Variants in TTC28 observed in about 807,000 individuals in gnomAD.
TTC28 encodes tetratricopeptide repeat protein 28.
TTC28 carries 61 observed loss-of-function variants against 198.0 expected under a neutral mutation model. That is an observed-to-expected ratio of 0.31 (90% confidence interval 0.25 to 0.38). The LOEUF is 0.38. Ranked by LOEUF, TTC28 falls within the 10% of genes least tolerant of loss-of-function variation. The pLI is 1.00. For synonymous variants in TTC28, 1,171 were observed against 1,297.8 expected, an observed-to-expected ratio of 0.90 and a Z score of 2.10; for missense variants, 2,678 against 3,164.0, an observed-to-expected ratio of 0.85 and a Z score of 3.69.
intron 2 of TTC28, among the ~76,000 whole-genome samples, chr22:28,595,751 C>G (rs1467024051): frequency 2.0e-5 from 3 of 152,148 alleles, no homozygotes; most frequent in African/African-American, 7.2e-5. Context: ...TGGTGAAACC[C>G]CATCTCTACT....
intron 10 of TTC28, among the ~76,000 whole-genome samples, chr22:28,097,480 C>T (rs1016813786): frequency 2.6e-5 from 4 of 152,184 alleles, no homozygotes; most frequent in Non-Finnish European, 4.4e-5. Flanking sequence ...CTATCTCAAG[C>T]TTTTCCCATC....
At chr22:28,214,661 G>C (rs1156512563) in intron 5 of TTC28, among the ~76,000 whole-genome samples, 1 of 152,190 alleles carries the variant, frequency 6.6e-6, no homozygotes, top group Non-Finnish European at 1.5e-5. Flanking sequence ...TGGAGAAATA[G>C]GAACACTTTT....
At chr22:28,585,323 G>T (rs542390624) in intron 2 of TTC28, among the ~76,000 whole-genome samples, 3 of 152,108 alleles carry the variant, frequency 2.0e-5, no homozygotes, top group African/African-American at 4.8e-5. Flanking sequence ...GCAGCTAGAC[G>T]GTCCCATCTG....
In TTC28 at chr22:27,982,299, C is replaced by T. The variant is rs757345038; in HGVS notation, c.7368G>A (p.Ala2456=). The T allele has an allele frequency of 2.4e-5, 37 of 1,515,872 alleles. 1 individual carries two copies. The highest frequency in any genetic ancestry group is 4.2e-5 in the African/African-American group (3 of 71,628). 93.9% of individuals were successfully genotyped at this position (1,515,872 alleles called of 1,614,324 possible). The change falls in exon 23 of 23, where the codon GCG becomes GCA. Residue 2456 remains alanine (A), a synonymous_variant. Coordinates refer to ENST00000397906, the MANE Select transcript of TTC28 (RefSeq NM_001145418.2). This position sits in a 1 kb window ranked among gnomAD's most constrained non-coding sequence, Gnocchi z 5.2. The stretch of plus-strand genomic sequence containing the variant: ...TTCCAGAAGGAAGCCTCAAAGGGCG[C>T]GCGGGGGCTGTGGCGGGAGGGCCGG... ...LPAGPPATAP[A]RPLRLPSGNG...
At chr22:28,389,302 T>C (rs1267001223) in intron 2 of TTC28, among the ~76,000 whole-genome samples, 3 of 152,220 alleles carry the variant, frequency 2.0e-5, no homozygotes, top group Admixed American at 1.3e-4. Flanking sequence ...TCTAAAATTC[T>C]CCTTTTTGGT....
chr22:28,547,346 A>T (rs184587577), intron 2 of TTC28, among the ~76,000 whole-genome samples: 472 of 152,266 alleles, frequency 3.1e-3, no homozygotes, highest in Non-Finnish European at 5.1e-3. Flanking sequence ...ATGCAGGCAA[A>T]GATTCATTTA....
intron 5 of TTC28, among the ~76,000 whole-genome samples, chr22:28,175,609 T>C (rs1026972308): frequency 2.0e-5 from 3 of 151,978 alleles, no homozygotes; most frequent in Non-Finnish European, 4.4e-5. Flanking sequence ...GGTGCATGCC[T>C]GTAATCCCAG....
chr22:28,559,439 A>G (rs1482972440), intron 2 of TTC28, among the ~76,000 whole-genome samples: 1 of 152,236 alleles, frequency 6.6e-6, no homozygotes, highest in Non-Finnish European at 1.5e-5. Context: ...CTTAAGACCT[A>G]TAACATTCAG....
At chr22:28,187,010 G>A (rs569183335) in intron 5 of TTC28, among the ~76,000 whole-genome samples, 1 of 152,174 alleles carries the variant, frequency 6.6e-6, no homozygotes, top group Non-Finnish European at 1.5e-5. Context: ...GGTCAAAACA[G>A]TGGGAGAGAG....
chr22:28,323,900 C>T (rs573797088), intron 2 of TTC28, among the ~76,000 whole-genome samples: 2 of 152,116 alleles, frequency 1.3e-5, no homozygotes, highest in South Asian at 4.2e-4. Flanking sequence ...AATGGAGCTC[C>T]AATACAGCTG....
At chr22:28,113,540 AG>A (rs1292409570) in intron 6 of TTC28, among the ~76,000 whole-genome samples, 1 of 152,262 alleles carries the variant, frequency 6.6e-6, no homozygotes, top group Non-Finnish European at 1.5e-5. Context: ...CACTGCCCTC[AG>A]CAGGACCAGC....
chr22:28,095,289 A>T (rs1324918597), intron 11 of TTC28, among the ~76,000 whole-genome samples: 1 of 152,224 alleles, frequency 6.6e-6, no homozygotes, highest in Non-Finnish European at 1.5e-5. Flanking sequence ...AAAAATTATT[A>T]AAAACAATGC....
chr22:28,317,348 T>C (rs2045368691), intron 2 of TTC28, among the ~76,000 whole-genome samples: 4 of 152,214 alleles, frequency 2.6e-5, no homozygotes, highest in Admixed American at 2.6e-4. Flanking sequence ...TATTTTGTTA[T>C]TATCTTATGA....
At chr22:28,076,845 T>C (rs1941184877) in intron 12 of TTC28, among the ~76,000 whole-genome samples, 1 of 152,162 alleles carries the variant, frequency 6.6e-6, no homozygotes, top group Non-Finnish European at 1.5e-5. Flanking sequence ...CTCTAATCAT[T>C]TGCTACTTCC....
At chr22:28,080,900 A>G (rs1365063214) in intron 12 of TTC28, among the ~76,000 whole-genome samples, 2 of 152,074 alleles carry the variant, frequency 1.3e-5, no homozygotes, top group African/African-American at 4.8e-5. Flanking sequence ...TTCCTTTTGC[A>G]TGTGGATATC....
At chr22:28,342,491 C>T (rs1485972354) in intron 2 of TTC28, among the ~76,000 whole-genome samples, 1 of 152,124 alleles carries the variant, frequency 6.6e-6, no homozygotes. Context: ...CTGACATATG[C>T]TATTTCACAA....
intron 1 of TTC28, among the ~76,000 whole-genome samples, chr22:28,633,924 G>C (rs1370227822): frequency 6.6e-6 from 1 of 152,048 alleles, no homozygotes; most frequent in Non-Finnish European, 1.5e-5. Context: ...TGAAGGATCT[G>C]GCAAGTCCAG....
chr22:28,143,226 C>T (rs528033387), intron 6 of TTC28, among the ~76,000 whole-genome samples: 8 of 151,966 alleles, frequency 5.3e-5, no homozygotes, highest in East Asian at 3.9e-4. Flanking sequence ...ACTTTGTGAA[C>T]GGAAGAATGA....
intron 21 of TTC28, among the ~76,000 whole-genome samples, chr22:27,988,283 T>TTTTC (rs1232545094): frequency 6.9e-6 from 1 of 145,122 alleles, no homozygotes; most frequent in African/African-American, 2.5e-5. Flanking sequence ...GAAGCTTGCT[T>TTTTC]TTTTTTTTTT....
Sources: gnomAD v4.1 joint callset for allele counts (sites outside exome capture counted in the v4.1 genomes callset) on GRCh38, gnomAD v4.1.1 for gene constraint, Gnocchi (gnomAD v3.1) non-coding constraint, MANE v1.5 for transcripts, NCBI Gene and HGNC (gene_info 2026-07-23, HGNC 2026-07-21) for gene names.